The following TKTL1 variants were observed in gnomAD, a reference collection of about 807,000 sequenced individuals.
The protein encoded by TKTL1 is transketolase like 1.
In TKTL1, 1 loss-of-function variant was observed where a neutral mutation model predicts 39.3. That is an observed-to-expected ratio of 0.03 (90% CI 0.01 to 0.12). TKTL1 has a LOEUF of 0.12. TKTL1 is among the 10% of genes least tolerant of loss of function. The probability of loss-of-function intolerance (pLI) is 1.00; values close to 1 mark genes in which losing one functional copy is unlikely to be tolerated. For missense variants in TKTL1, 575 were observed against 509.6 expected (o/e 1.13, Z -1.24); for synonymous variants, 262 against 193.8 (o/e 1.35, Z -2.92).
intron 1 of TKTL1, among the ~76,000 whole-genome samples, chrX:154,298,505 A>C (rs782249741): frequency 3.6e-5 from 4 of 112,275 alleles, no homozygotes; most frequent in African/African-American, 9.7e-5. Flanking sequence ...TGAGCTCAAG[A>C]GTTCAGGACA....
chrX:154,315,911 A>G (rs2067395769), intron 7 of TKTL1, among the ~76,000 whole-genome samples: 1 of 111,380 alleles, frequency 9.0e-6, no homozygotes, highest in African/African-American at 3.3e-5. Flanking sequence ...ACATGCACAC[A>G]AGCGCACCCC....
chrX:154,329,626 G>A lies in TKTL1; in HGVS notation c.1729G>A (p.Asp577Asn). Reference protein sequence around the residue: ...PQSGKSEELLDMYGISARHII... With the variant: ...PQSGKSEELLNMYGISARHII... ...GAGTGGGAAGTCCGAGGAATTGCTG[G>A]ATATGTATGGAATTAGTGCCAGACA... The change falls in exon 13 of 13, where the codon GAT (aspartate) becomes AAT (asparagine). Residue 577 changes from aspartate (D) to asparagine (N), a missense_variant. Coordinates refer to ENST00000369915, the MANE Select transcript of TKTL1 (RefSeq NM_012253.4). 8.3e-7 allele frequency: 1 copy of A among 1,211,785 alleles called. No individual in the cohort carries two copies. Among genetic ancestry groups the A allele is most frequent in the Non-Finnish European group, 1.1e-6 (1 of 895,507 alleles).
intron 7 of TKTL1, among the ~76,000 whole-genome samples, chrX:154,315,816 A>G (rs1390487322): frequency 1.8e-5 from 2 of 112,526 alleles, no homozygotes; most frequent in Non-Finnish European, 3.8e-5. Flanking sequence ...CAATGCTTAG[A>G]GCTGGTGCCT....
chrX:154,295,833 T>A lies in TKTL1; in HGVS notation c.-27T>A. ...CAGACGCCGGAGACGTAGGAGTGGG[T>A]CTTCAGACTCCAAAGGGGTTGGACT... On this transcript the variant is annotated 5_prime_UTR_variant, in exon 1 of 13. Transcript: ENST00000369915. 1.7e-6 allele frequency: 2 copies of A among 1,203,348 alleles called. No homozygotes were observed. Among genetic ancestry groups the A allele is most frequent in the African/African-American group, 1.7e-5 (1 of 57,311 alleles).
intron 7 of TKTL1, among the ~76,000 whole-genome samples, chrX:154,317,134 T>TGTCAAAAATTTTGCTCCC (rs1291088636): frequency 7.2e-5 from 8 of 111,845 alleles, no homozygotes; most frequent in African/African-American, 2.6e-4. Flanking sequence ...TTAATGCTCC[T>TGTCAAAAATTTTGCTCCC]GTCAAAAATT....
At chrX:154,304,960 T>C (rs1323629562) in intron 1 of TKTL1, 1 of 962,577 alleles carries the variant, frequency 1.0e-6, no homozygotes, top group Non-Finnish European at 1.4e-6. Context: ...TTCATGGCAT[T>C]TCTGATTCAC....
intron 1 of TKTL1, 77 bp downstream of exon 1, chrX:154,296,070 G>C (rs189681601): frequency 8.9e-7 from 1 of 1,129,379 alleles, no homozygotes; most frequent in African/African-American, 1.8e-5. Flanking sequence ...CCATGAGGCC[G>C]TGTGGTGAAG....
In TKTL1 at chrX:154,323,353, C is replaced by T. The variant is rs376970160; in HGVS notation, c.1317+16C>T. ...CAATGCCAAGGTATTTTTAAGGGGA[C>T]ACTAGTTTCAGACAGAAAATGCTTC... is the stretch of plus-strand genomic sequence containing the variant. On this transcript the variant is annotated intron_variant, in intron 9 of 12. Transcript: ENST00000369915. 3.1e-5 allele frequency: 37 copies of T among 1,207,502 alleles called. No homozygotes were observed. In the African/African-American group the frequency reaches 5.1e-4, roughly 17 times the overall value.
At chrX:154,316,705 C>T (rs1557169424) in intron 7 of TKTL1, among the ~76,000 whole-genome samples, 1 of 110,778 alleles carries the variant, frequency 9.0e-6, no homozygotes, top group African/African-American at 3.3e-5. Flanking sequence ...GTCCCCACAG[C>T]TCCCCATGCT....
At chrX:154,300,938 G>T (rs1455805706) in intron 1 of TKTL1, among the ~76,000 whole-genome samples, 1 of 109,439 alleles carries the variant, frequency 9.1e-6, no homozygotes, top group Non-Finnish European at 1.9e-5. Flanking sequence ...CAGGTGATCT[G>T]CCCATCTCGG....
intron 1 of TKTL1, among the ~76,000 whole-genome samples, chrX:154,301,399 C>T (rs2067272114): frequency 9.1e-6 from 1 of 110,470 alleles, no homozygotes; most frequent in Non-Finnish European, 1.9e-5. Context: ...CCTCTGTAAT[C>T]CCAGATACTT....
At position 154,325,685 on chromosome X, in the gene TKTL1, G is replaced by A. The variant is rs187041391; in HGVS notation, c.1401+263G>A. Among the ~76,000 whole-genome samples, 20 of 112,461 alleles carry A rather than the reference G, an allele frequency of 1.8e-4. No homozygotes were observed. The South Asian group carries it at 4.0e-3, about 22-fold the overall frequency. On this transcript the variant is annotated intron_variant, in intron 10 of 12. Coordinates refer to ENST00000369915, the MANE Select transcript of TKTL1 (RefSeq NM_012253.4). ...GATAGTAACATGAAGCCACTTGAGCGGTCGTGGCTATAATTTATCTTGGCC... is the reference window on the plus strand; with the variant it reads ...GATAGTAACATGAAGCCACTTGAGCAGTCGTGGCTATAATTTATCTTGGCC...
chrX:154,312,556 T>A, intron 5 of TKTL1, 24 bp from the exon 6 acceptor site: 1 of 1,189,211 alleles, frequency 8.4e-7, no homozygotes, highest in Non-Finnish European at 1.1e-6. Flanking sequence ...ATGGAATGGA[T>A]GTCTTTTGTT....
Position 154,295,833 on chromosome X carries a change from T to G in TKTL1, c.-27T>G, listed in dbSNP as rs1557164160. On this transcript the variant is annotated 5_prime_UTR_variant, in exon 1 of 13. Coordinates refer to ENST00000369915, the MANE Select transcript of TKTL1 (RefSeq NM_012253.4). ...CAGACGCCGGAGACGTAGGAGTGGG[T>G]CTTCAGACTCCAAAGGGGTTGGACT... 8.3e-7 allele frequency: 1 copy of G among 1,203,348 alleles called. No individual in the cohort carries two copies. Among genetic ancestry groups the G allele is most frequent in the Non-Finnish European group, 1.1e-6 (1 of 891,036 alleles).
intron 12 of TKTL1, among the ~76,000 whole-genome samples, chrX:154,329,179 G>A (rs1405571837): frequency 4.5e-5 from 5 of 112,293 alleles, no homozygotes; most frequent in African/African-American, 1.6e-4. Context: ...GAACCTTCAC[G>A]AGCCAAGAGC....
intron 2 of TKTL1, among the ~76,000 whole-genome samples, chrX:154,308,961 T>C (rs191122543): frequency 9.0e-6 from 1 of 110,782 alleles, no homozygotes; most frequent in African/African-American, 3.3e-5. Context: ...CATGGGAAAA[T>C]GTCAAGAATC....
chrX:154,327,544 T>A, intron 10 of TKTL1, 47 bp from the exon 11 acceptor site: 1 of 1,107,009 alleles, frequency 9.0e-7, no homozygotes, highest in East Asian at 3.0e-5. Context: ...TGACATGCAT[T>A]CTGTGTGTAG....
intron 12 of TKTL1, among the ~76,000 whole-genome samples, chrX:154,328,547 A>C (rs1407582363): frequency 1.6e-4 from 2 of 12,838 alleles, no homozygotes; most frequent in Non-Finnish European, 2.1e-4. Flanking sequence ...CTCTGCCTCA[A>C]AAAAAAAAAA....
chrX:154,327,743 G>A lies in TKTL1; in HGVS notation c.1498+56G>A, dbSNP rs1840318590. ...CAAGCTGGGAAGAGGTAGGACTTCA[G>A]CTACCTCCTGTGCCCTGAGTGCTCT... On this transcript the variant is annotated intron_variant, in intron 11 of 12. Coordinates refer to ENST00000369915, the MANE Select transcript of TKTL1 (RefSeq NM_012253.4). The A allele has an allele frequency of 9.3e-6, 11 of 1,185,657 alleles. No homozygotes were observed. In the South Asian group the frequency reaches 1.6e-4, roughly 17 times the overall value.
Sources: gnomAD v4.1 joint callset for allele counts (sites outside exome capture counted in the v4.1 genomes callset) on GRCh38, gnomAD v4.1.1 for gene constraint, MANE v1.5 for transcripts, NCBI Gene and HGNC (gene_info 2026-07-23, HGNC 2026-07-21) for gene names.